The following VPS13C variants were observed in gnomAD, a reference collection of about 807,000 sequenced individuals.
The protein encoded by VPS13C is vacuolar protein sorting 13 homolog C, also known as intermembrane lipid transfer protein VPS13C.
A neutral mutation model predicts 456.8 loss-of-function variants in VPS13C; 358 were observed. The ratio of observed to expected loss-of-function variants is 0.78; its 90% CI spans 0.72 to 0.86. The LOEUF is 0.86. Ranked by LOEUF, VPS13C falls within the 40% of genes least tolerant of loss-of-function variation. The pLI is 0.00. For synonymous variants in VPS13C, 1,578 were observed against 1,486.7 expected (o/e 1.06, Z -1.41); for missense variants, 4,818 against 4,385.4 (o/e 1.10, Z -2.79).
rs746520926 is a variant in VPS13C, at chr15:62,023,525, T to G, written c.515-5A>C. 1 of 1,550,176 alleles carries G rather than the reference T, an allele frequency of 6.5e-7. No individual in the cohort carries two copies. Among genetic ancestry groups the G allele is most frequent in the African/African-American group, 1.4e-5 (1 of 71,452 alleles). On this transcript the variant is annotated splice_polypyrimidine_tract_variant and splice_region_variant and intron_variant, in intron 7 of 84. Transcript: ENST00000644861. ...TTTTGGCTTCTTTTGGCTTATCTAT[T>G]AAAAAATAGAAAAATACAAGCTCAA...
At chr15:61,903,128 C>A (rs1261443780) in intron 66 of VPS13C, among the ~76,000 whole-genome samples, 2 of 151,922 alleles carry the variant, frequency 1.3e-5, no homozygotes, top group Non-Finnish European at 1.5e-5. Context: ...GAATTTGAGA[C>A]CAGCCTGGGC....
In VPS13C at chr15:61,962,529, T is replaced by A. The variant is rs760676223; in HGVS notation, c.3445A>T (p.Ile1149Leu). The A allele has an allele frequency of 6.2e-7, 1 of 1,608,430 alleles. No individual in the cohort carries two copies. The highest frequency in any genetic ancestry group is 1.7e-5 in the Admixed American group (1 of 59,854). The change falls in exon 34 of 85, where the codon ATA becomes TTA. Residue 1149 changes from isoleucine to leucine, a missense_variant. By Grantham distance (5) the Ile-to-Leu change is conservative. Transcript: ENST00000644861. Reference protein sequence around the residue: ...PKTVHKKAVSIMGNEVFRFNL... With the variant: ...PKTVHKKAVSLMGNEVFRFNL... ...AAACGGAAAACTTCATTTCCCATTATTGACACAGCCTGAAAAACAGAGACT... is the reference window on the plus strand; with the variant it reads ...AAACGGAAAACTTCATTTCCCATTAATGACACAGCCTGAAAAACAGAGACT...
In VPS13C at chr15:62,000,554, A is replaced by C; in HGVS notation, c.1353+10T>G. 6.2e-7 allele frequency: 1 copy of C among 1,603,772 alleles called. No individual in the cohort carries two copies. Among genetic ancestry groups the C allele is most frequent in the Non-Finnish European group, 8.5e-7 (1 of 1,176,002 alleles). ...TTTAAAACATAAAATCAGCTAATAAAAATGATTACCTCAACTTGTGCTTGT... is the reference window on the plus strand; with the variant it reads ...TTTAAAACATAAAATCAGCTAATAACAATGATTACCTCAACTTGTGCTTGT... On this transcript the variant is annotated intron_variant, in intron 16 of 84. Coordinates refer to ENST00000644861, the MANE Select transcript of VPS13C (RefSeq NM_020821.3).
At chr15:61,895,515 T>C (rs1349339722) in intron 66 of VPS13C, among the ~76,000 whole-genome samples, 1 of 152,150 alleles carries the variant, frequency 6.6e-6, no homozygotes, top group Non-Finnish European at 1.5e-5. Flanking sequence ...AGGAGACTTA[T>C]AACAGTTGAT....
In VPS13C at chr15:61,860,535, C is replaced by T. The variant is rs570452266; in HGVS notation, c.10952+2905G>A. Among the ~76,000 whole-genome samples the T allele has an allele frequency of 1.1e-3, 165 of 152,060 alleles. 1 individual carries two copies. The East Asian group carries it at 0.018, about 17-fold the overall frequency. On this transcript the variant is annotated intron_variant, in intron 82 of 84. Coordinates refer to ENST00000644861, the MANE Select transcript of VPS13C (RefSeq NM_020821.3). ...AAAAGATTTGGTTACAAATAAATAA[C>T]AATAAGATACTAGGGAAAAAATGTC... is the stretch of plus-strand genomic sequence containing the variant.
chr15:62,014,831 T>C (rs960171267), intron 9 of VPS13C, among the ~76,000 whole-genome samples: 2 of 151,876 alleles, frequency 1.3e-5, no homozygotes, highest in Admixed American at 6.6e-5. Context: ...CAAAATACAA[T>C]AGGAAGCATA....
rs765680661 is a variant in VPS13C, at chr15:61,959,505, T to C, written c.3999A>G (p.Ala1333=). 13 of 1,613,134 alleles carry C rather than the reference T, an allele frequency of 8.1e-6. No homozygotes were observed. The Admixed American group carries it at 2.0e-4, about 25-fold the overall frequency. Residue 1333 remains alanine, a synonymous_variant, in exon 36 of 85, where the codon GCA becomes GCG. Coordinates refer to ENST00000644861, the MANE Select transcript of VPS13C (RefSeq NM_020821.3). The part of the protein sequence containing the change: ...LEFLVNRNLA[A]SWYHKVPVVE... ...CAACAGGCACCTTGTGGTACCAAGA[T>C]GCAGCTAGATTCCGATTTACAAGAA...
chr15:62,023,675 T>A, intron 7 of VPS13C, 105 bp downstream of exon 7: 1 of 1,279,150 alleles, frequency 7.8e-7, no homozygotes. Context: ...TTAAAACTTG[T>A]TTTTGAATTT....
Position 61,918,253 on chromosome 15 carries a change from T to C in VPS13C, c.7643A>G (p.Lys2548Arg). Residue 2548 changes from lysine to arginine, a missense_variant, in exon 59 of 85, where the codon AAA becomes AGA. Coordinates refer to ENST00000644861, the MANE Select transcript of VPS13C (RefSeq NM_020821.3). Reference sequence around the variant, plus strand: ...GATAAATGCAATGGAGAAATGGTTTTTGATCTGTTGGACAAAAAAAAATAC... The same window carrying C: ...GATAAATGCAATGGAGAAATGGTTTCTGATCTGTTGGACAAAAAAAAATAC... ...VITLRSPLQI[K>R]NHFSIAFIIY... is the part of the protein sequence containing the mutation. 6.4e-7 allele frequency: 1 copy of C among 1,554,362 alleles called. No homozygotes were observed. Among genetic ancestry groups the C allele is most frequent in the Non-Finnish European group, 8.6e-7 (1 of 1,156,168 alleles).
At chr15:61,930,948 C>A in intron 50 of VPS13C, 142 bp downstream of exon 50, 1 of 909,224 alleles carries the variant, frequency 1.1e-6, no homozygotes, top group Non-Finnish European at 1.7e-6. Context: ...ATTAGCACTA[C>A]TTCTTAATGC....
intron 66 of VPS13C, among the ~76,000 whole-genome samples, chr15:61,906,431 T>C (rs917465740): frequency 6.6e-6 from 1 of 152,134 alleles, no homozygotes; most frequent in Non-Finnish European, 1.5e-5. Context: ...GACCTTGATA[T>C]CCTCCTCCAG....
chr15:62,003,665 A>T (rs1383734576), intron 15 of VPS13C, among the ~76,000 whole-genome samples: 3 of 151,832 alleles, frequency 2.0e-5, no homozygotes, highest in Admixed American at 6.6e-5. Flanking sequence ...TTTTTCATAA[A>T]TAGCTCTTAT....
chr15:61,974,402 T>C lies in VPS13C; in HGVS notation c.2424A>G (p.Gly808=). The C allele has an allele frequency of 6.2e-7, 1 of 1,612,068 alleles. No individual in the cohort carries two copies. Among genetic ancestry groups the C allele is most frequent in the Non-Finnish European group, 8.5e-7 (1 of 1,178,694 alleles). The stretch of plus-strand genomic sequence containing the variant: ...TTCTCACATGCATCAAAGGAAGTCC[T>C]CCTGACACTTTAAATCTAAAAATAC... ...DIRMARFKVS[G]GLPLMHVRIS... Residue 808 remains glycine (G), a synonymous_variant, in exon 25 of 85, where the codon GGA becomes GGG. Coordinates refer to ENST00000644861, the MANE Select transcript of VPS13C (RefSeq NM_020821.3).
At chr15:61,865,505 A>C in intron 81 of VPS13C, 1 of 974,036 alleles carries the variant, frequency 1.0e-6, no homozygotes, top group Non-Finnish European at 1.2e-6. Flanking sequence ...AATGAGTATT[A>C]AATGACTATA....
intron 67 of VPS13C, among the ~76,000 whole-genome samples, chr15:61,886,646 C>T (rs1297539906): frequency 2.0e-5 from 3 of 152,112 alleles, no homozygotes; most frequent in African/African-American, 7.2e-5. Context: ...GAATTTCATA[C>T]AGTTTGTACA....
intron 9 of VPS13C, among the ~76,000 whole-genome samples, chr15:62,019,501 T>C (rs2047379146): frequency 6.6e-6 from 1 of 152,166 alleles, no homozygotes; most frequent in South Asian, 2.1e-4. Flanking sequence ...TTTGTTCTCG[T>C]TGGTTTCAAA....
chr15:61,920,439 AATT>A, intron 56 of VPS13C, 56 bp downstream of exon 56: 1 of 1,488,808 alleles, frequency 6.7e-7, no homozygotes, highest in Non-Finnish European at 8.9e-7. Flanking sequence ...ATGACAAAAA[AATT>A]ATATGTTTCA....
At chr15:61,893,099 T>G (rs1375070751) in intron 66 of VPS13C, among the ~76,000 whole-genome samples, 1 of 152,052 alleles carries the variant, frequency 6.6e-6, no homozygotes, top group African/African-American at 2.4e-5. Context: ...CTTTCCCTAT[T>G]GGAGAAAGAT....
intron 37 of VPS13C, among the ~76,000 whole-genome samples, chr15:61,955,197 G>A (rs992751370): frequency 3.3e-5 from 5 of 152,156 alleles, no homozygotes; most frequent in Non-Finnish European, 7.4e-5. Flanking sequence ...GTGCTCATCT[G>A]TGTGGCAGAC....
Sources: allele counts gnomAD v4.1 joint callset (sites outside exome capture counted in the v4.1 genomes callset), GRCh38; gene constraint gnomAD v4.1.1; transcripts MANE v1.5; gene names NCBI Gene and HGNC (gene_info 2026-07-23, HGNC 2026-07-21).